The following CADM2 variants were observed in gnomAD, a reference collection of about 807,000 sequenced individuals.
CADM2 encodes the protein immunoglobulin superfamily member 4D.
CADM2 carries 12 observed loss-of-function variants against 49.8 expected under a neutral mutation model. That is an observed-to-expected ratio of 0.24 (90% CI 0.15 to 0.39). CADM2 has a LOEUF of 0.39. Ranked by LOEUF, CADM2 falls within the 10% of genes least tolerant of loss-of-function variation. The pLI is 1.00. For missense variants in CADM2, 378 were observed against 492.3 expected, an observed-to-expected ratio of 0.77 and a Z score of 2.20; for synonymous variants, 214 against 175.4, an observed-to-expected ratio of 1.22 and a Z score of -1.74.
intron 1 of CADM2, among the ~76,000 whole-genome samples, chr3:85,520,859 G>C (rs1242508236): frequency 6.6e-6 from 1 of 151,980 alleles, no homozygotes; most frequent in Non-Finnish European, 1.5e-5. Context: ...GGATTGTATT[G>C]TTTTTCATGG....
intron 1 of CADM2, among the ~76,000 whole-genome samples, chr3:85,250,112 A>G (rs549676298): frequency 6.6e-6 from 1 of 151,812 alleles, no homozygotes; most frequent in Non-Finnish European, 1.5e-5. Flanking sequence ...TTAATTAACC[A>G]TATTTGCCTC....
chr3:85,359,121 G>A (rs1406214020), intron 1 of CADM2, among the ~76,000 whole-genome samples: 2 of 152,088 alleles, frequency 1.3e-5, no homozygotes, highest in African/African-American at 4.8e-5. Flanking sequence ...GCTTGACTGA[G>A]GAGGGTGGAA....
intron 1 of CADM2, among the ~76,000 whole-genome samples, chr3:85,586,486 A>G (rs1559927409): frequency 6.6e-6 from 1 of 152,140 alleles, no homozygotes; most frequent in Admixed American, 6.6e-5. Context: ...ATATTTCATA[A>G]TACAGTTGCT....
intron 2 of CADM2, among the ~76,000 whole-genome samples, chr3:85,753,392 G>T (rs1402411982): frequency 6.6e-6 from 1 of 151,708 alleles, no homozygotes; most frequent in Non-Finnish European, 1.5e-5. Flanking sequence ...GTAGAAACAG[G>T]AAAAAAAATG....
chr3:85,212,897 T>TCTCTCTCTCTCTCTCTCTCTCTCTCTC (rs2041834022), intron 1 of CADM2, among the ~76,000 whole-genome samples: 2 of 145,164 alleles, frequency 1.4e-5, no homozygotes, highest in African/African-American at 2.6e-5. Flanking sequence ...TCTTTCTTTC[T>TCTCTCTCTCTCTCTCTCTCTCTCTCTC]TTTAATGGAG....
chr3:85,652,052 C>T (rs1411922849), intron 1 of CADM2, among the ~76,000 whole-genome samples: 2 of 146,986 alleles, frequency 1.4e-5, no homozygotes, highest in Admixed American at 6.9e-5. Context: ...CTCCTGACCT[C>T]GTGATCCACC....
intron 1 of CADM2, among the ~76,000 whole-genome samples, chr3:85,340,413 A>G (rs2107190005): frequency 6.6e-6 from 1 of 151,674 alleles, no homozygotes; most frequent in Admixed American, 6.6e-5. Flanking sequence ...CTCATAGATT[A>G]AGTGCTAATT....
intron 1 of CADM2, among the ~76,000 whole-genome samples, chr3:85,395,174 T>A (rs937484338): frequency 6.6e-6 from 1 of 151,620 alleles, no homozygotes; most frequent in African/African-American, 2.4e-5. Context: ...GGTGCATACC[T>A]GTGGGCCCAG....
At chr3:85,523,020 G>A (rs570663618) in intron 1 of CADM2, among the ~76,000 whole-genome samples, 1 of 150,850 alleles carries the variant, frequency 6.6e-6, no homozygotes, top group Admixed American at 6.6e-5. Context: ...GAAAACTTGA[G>A]GAAACAGCAA....
chr3:86,045,206 A>G (rs1736504586), intron 8 of CADM2, among the ~76,000 whole-genome samples: 1 of 151,320 alleles, frequency 6.6e-6, no homozygotes, highest in Non-Finnish European at 1.5e-5. Context: ...TTAACGTATA[A>G]TAATAAAAAA....
chr3:85,645,799 G>A (rs1267115852), intron 1 of CADM2, among the ~76,000 whole-genome samples: 1 of 106,138 alleles, frequency 9.4e-6, no homozygotes, highest in Non-Finnish European at 2.3e-5. Flanking sequence ...AATATATTCA[G>A]AAATAAAAGA....
intron 3 of CADM2, among the ~76,000 whole-genome samples, chr3:85,804,475 AT>A (rs1309467352): frequency 2.0e-5 from 3 of 152,142 alleles, no homozygotes; most frequent in Admixed American, 6.6e-5. Context: ...ACATTAGAAC[AT>A]TTTTTGTTGT....
At chr3:85,134,780 T>G (rs918831254) in intron 1 of CADM2, among the ~76,000 whole-genome samples, 1 of 152,038 alleles carries the variant, frequency 6.6e-6, no homozygotes, top group Non-Finnish European at 1.5e-5. Context: ...CTATATATAA[T>G]TGTGCAAATT....
At position 85,569,351 on chromosome 3, in the gene CADM2, A is replaced by T. The variant is rs148092454; in HGVS notation, c.62-157171A>T. Among the ~76,000 whole-genome samples, 748 of 135,888 alleles carry T rather than the reference A, an allele frequency of 5.5e-3. 8 individuals carry two copies. Among genetic ancestry groups the T allele is most frequent in the African/African-American group, 0.017 (694 of 39,998 alleles). 89.1% of individuals were successfully genotyped at this position (135,888 alleles called of 152,430 possible). A position where few individuals can be genotyped will look rare whatever the true frequency, so the allele number is the denominator to read the frequency against. ...CTATATTATATTTAATCATCTAGCCATTGAAGGATATCTGGTTTGTTTCCA... is the reference window on the plus strand; with the variant it reads ...CTATATTATATTTAATCATCTAGCCTTTGAAGGATATCTGGTTTGTTTCCA... On this transcript the variant is annotated intron_variant, in intron 1 of 9. Transcript: ENST00000383699.
chr3:85,424,586 T>A (rs1178128277), intron 1 of CADM2, among the ~76,000 whole-genome samples: 1 of 152,130 alleles, frequency 6.6e-6, no homozygotes, highest in Non-Finnish European at 1.5e-5. Flanking sequence ...CAACACTGTG[T>A]GTTCATTGTT....
At chr3:85,778,359 C>T (rs891618507) in intron 2 of CADM2, among the ~76,000 whole-genome samples, 1 of 152,062 alleles carries the variant, frequency 6.6e-6, no homozygotes, top group Non-Finnish European at 1.5e-5. Context: ...CATGGTTTGG[C>T]TCCGTGTCCC....
At chr3:85,877,596 C>A (rs924747545) in intron 3 of CADM2, among the ~76,000 whole-genome samples, 1 of 151,030 alleles carries the variant, frequency 6.6e-6, no homozygotes, top group East Asian at 1.9e-4. Flanking sequence ...TTCCAGTGAA[C>A]TGTCACTTAC....
Position 85,605,582 on chromosome 3 carries a change from C to A in CADM2, c.62-120940C>A, listed in dbSNP as rs546675332. Among the ~76,000 whole-genome samples, 27 of 152,158 alleles carry A rather than the reference C, an allele frequency of 1.8e-4. 1 individual carries two copies. The highest frequency in any genetic ancestry group is 5.3e-4 in the African/African-American group (22 of 41,548). On this transcript the variant is annotated intron_variant, in intron 1 of 9. Coordinates refer to ENST00000383699, the MANE Select transcript of CADM2 (RefSeq NM_001167675.2). ...CAGACCTCCAACTGTTCAGTGTTTT[C>A]TATGTTCCTGTGCTGCCTCCTCAAA...
intron 1 of CADM2, among the ~76,000 whole-genome samples, chr3:85,252,579 T>C (rs959140986): frequency 4.6e-5 from 7 of 152,040 alleles, no homozygotes; most frequent in African/African-American, 1.7e-4. Flanking sequence ...TTCAGATTAC[T>C]CTTAATATTT....
Sources: gnomAD v4.1 joint callset for allele counts (sites outside exome capture counted in the v4.1 genomes callset) on GRCh38, gnomAD v4.1.1 for gene constraint, MANE v1.5 for transcripts, NCBI Gene and HGNC (gene_info 2026-07-23, HGNC 2026-07-21) for gene names.